Variants in FAM185A observed in about 807,000 individuals in gnomAD.
FAM185A encodes family with sequence similarity 185 member A.
FAM185A carries 21 observed loss-of-function variants against 45.7 expected under a neutral mutation model. The observed-to-expected ratio is 0.46, with a 90% CI of 0.33 to 0.66. FAM185A has a LOEUF of 0.66. Among genes scored for constraint, FAM185A ranks in the 30% least tolerant of loss-of-function variants. FAM185A has a pLI of 0.03. For synonymous variants in FAM185A, 117 were observed against 194.0 expected (o/e 0.60, Z 3.30); for missense variants, 305 against 485.4 (o/e 0.63, Z 3.49).
chr7:102,773,741 T>A (rs1470251704), intron 5 of FAM185A, among the ~76,000 whole-genome samples: 1 of 152,152 alleles, frequency 6.6e-6, no homozygotes, highest in Admixed American at 6.6e-5. Flanking sequence ...AAAATTTTTT[T>A]ATATCATCAT....
chr7:102,785,784 T>A (rs1205216965), intron 6 of FAM185A, among the ~76,000 whole-genome samples: 10 of 151,998 alleles, frequency 6.6e-5, no homozygotes, highest in African/African-American at 2.4e-4. Flanking sequence ...GGACTTCATG[T>A]CTAAAACACC....
At chr7:102,791,430 G>A (rs1416960137) in intron 7 of FAM185A, among the ~76,000 whole-genome samples, 2 of 152,272 alleles carry the variant, frequency 1.3e-5, no homozygotes, top group Non-Finnish European at 1.5e-5. Context: ...ATATAAAGAC[G>A]AATGAATGCT....
the FAM185A span, among the ~76,000 whole-genome samples, chr7:102,828,548 C>G: frequency 1.3e-5 from 2 of 152,278 alleles, no homozygotes; most frequent in Middle Eastern, 3.4e-3. Flanking sequence ...CATTATAAGT[C>G]TGTAGAATTG....
chr7:102,758,572 T>C (rs1373672801), intron 3 of FAM185A, among the ~76,000 whole-genome samples: 1 of 151,530 alleles, frequency 6.6e-6, no homozygotes, highest in Admixed American at 6.6e-5. Flanking sequence ...GGTATAATTT[T>C]GGAATTATAA....
intron 7 of FAM185A, among the ~76,000 whole-genome samples, chr7:102,802,144 G>A (rs973224724): frequency 1.3e-5 from 2 of 152,142 alleles, no homozygotes; most frequent in Non-Finnish European, 2.9e-5. Flanking sequence ...AAGACTGAAA[G>A]TCAATGAAGA....
At chr7:102,775,065 A>G (rs1379761730) in intron 5 of FAM185A, among the ~76,000 whole-genome samples, 1 of 151,668 alleles carries the variant, frequency 6.6e-6, no homozygotes, top group African/African-American at 2.4e-5. Context: ...AAAACCGTAT[A>G]TATTTAAGGT....
the FAM185A span, among the ~76,000 whole-genome samples, chr7:102,825,647 C>T: frequency 2.6e-5 from 4 of 152,182 alleles, no homozygotes; most frequent in Admixed American, 1.3e-4. Context: ...TTATACCCAT[C>T]TATAATGCTA....
the FAM185A span, among the ~76,000 whole-genome samples, chr7:102,826,567 A>G: frequency 6.6e-6 from 1 of 150,548 alleles, no homozygotes; most frequent in South Asian, 2.1e-4. Flanking sequence ...GAAACCCCAT[A>G]TCTACAAAAA....
chr7:102,809,973 C>A (rs1797340856), downstream of FAM185A, among the ~76,000 whole-genome samples: 1 of 152,272 alleles, frequency 6.6e-6, no homozygotes, highest in Non-Finnish European at 1.5e-5. Flanking sequence ...CCGTCTCTCT[C>A]TTGCTCCTGC....
At chr7:102,805,278 C>T (rs990370180) in intron 7 of FAM185A, among the ~76,000 whole-genome samples, 1 of 152,132 alleles carries the variant, frequency 6.6e-6, no homozygotes, top group African/African-American at 2.4e-5. Flanking sequence ...AAGGAACCAA[C>T]CCAAATACCC....
the FAM185A span, among the ~76,000 whole-genome samples, chr7:102,850,002 T>C: frequency 6.6e-6 from 1 of 152,010 alleles, no homozygotes; most frequent in Non-Finnish European, 1.5e-5. Context: ...TGTTTTGTTT[T>C]GTTTTTTTAG....
intron 7 of FAM185A, among the ~76,000 whole-genome samples, chr7:102,797,788 TCTG>T (rs1394750683): frequency 1.3e-5 from 2 of 152,224 alleles, no homozygotes; most frequent in African/African-American, 2.4e-5. Flanking sequence ...TGAAGTTTAA[TCTG>T]CTATTATTAA....
chr7:102,781,053 C>T (rs1795374447), intron 6 of FAM185A, among the ~76,000 whole-genome samples: 1 of 152,200 alleles, frequency 6.6e-6, no homozygotes, highest in Non-Finnish European at 1.5e-5. Context: ...CCCACGGAGC[C>T]TCGCTCATTG....
the FAM185A span, among the ~76,000 whole-genome samples, chr7:102,819,297 G>A: frequency 6.6e-6 from 1 of 151,954 alleles, no homozygotes; most frequent in African/African-American, 2.4e-5. Context: ...ATTCCTCCTT[G>A]AAATAAAGGA....
At chr7:102,842,082 T>C in the FAM185A span, among the ~76,000 whole-genome samples, 1 of 152,188 alleles carries the variant, frequency 6.6e-6, no homozygotes, top group African/African-American at 2.4e-5. Context: ...ACCTGGAGTA[T>C]TGGATGAGAA....
At chr7:102,782,557 A>G (rs565218215) in intron 6 of FAM185A, among the ~76,000 whole-genome samples, 22 of 152,318 alleles carry the variant, frequency 1.4e-4, no homozygotes, top group African/African-American at 4.8e-4. Flanking sequence ...ACTAAGCTTC[A>G]TAAGTGAAGA....
intron 4 of FAM185A, among the ~76,000 whole-genome samples, chr7:102,767,950 G>A (rs1794512558): frequency 1.4e-5 from 2 of 142,880 alleles, no homozygotes; most frequent in Non-Finnish European, 3.1e-5. Context: ...CAACTACCAA[G>A]TTTAGGCAGG....
chr7:102,817,633 A>T, the FAM185A span, among the ~76,000 whole-genome samples: 1 of 152,124 alleles, frequency 6.6e-6, no homozygotes, highest in Non-Finnish European at 1.5e-5. Flanking sequence ...AAAATGTAGA[A>T]ACTATATTTC....
chr7:102,758,459 T>TTTTTTTTTTTTTTTTTTTTTTTTTTTA lies in FAM185A; in HGVS notation c.654+513_654+514insTTTTTTTTTTTTTTTTTTTTTTTTTTA. On this transcript the variant is annotated intron_variant, in intron 3 of 7. Coordinates refer to ENST00000413034, the MANE Select transcript of FAM185A (RefSeq NM_001145268.2). ...TTTTTTTTTTTTTTTTTTTTTTTTT[T>TTTTTTTTTTTTTTTTTTTTTTTTTTTA]ATAGTAGCTATTGGGATTTTTGTTG... is the stretch of plus-strand genomic sequence containing the variant. Among the ~76,000 whole-genome samples the TTTTTTTTTTTTTTTTTTTTTTTTTTTA allele has an allele frequency of 1.9e-5, 2 of 107,448 alleles. 1 individual carries two copies. Among genetic ancestry groups the TTTTTTTTTTTTTTTTTTTTTTTTTTTA allele is most frequent in the Non-Finnish European group, 3.6e-5 (2 of 56,106 alleles). 70.5% of individuals were successfully genotyped at this position (107,448 alleles called of 152,430 possible).
Sources: allele counts gnomAD v4.1 joint callset (sites outside exome capture counted in the v4.1 genomes callset), GRCh38; gene constraint gnomAD v4.1.1; transcripts MANE v1.5; gene names NCBI Gene and HGNC (gene_info 2026-07-23, HGNC 2026-07-21).